RNF2: variants seen among roughly 807,000 people sequenced by gnomAD.
The protein encoded by RNF2 is ring finger protein 2, also known as E3 ubiquitin-protein ligase RING2.
Under a neutral mutation model 37.2 loss-of-function variants are expected in RNF2, and 6 were observed. That is an observed-to-expected ratio of 0.16 (90% confidence interval 0.09 to 0.32). The LOEUF is 0.32. RNF2 is among the 10% of genes least tolerant of loss of function. The probability of loss-of-function intolerance (pLI) is 1.00; values close to 1 mark genes in which losing one functional copy is unlikely to be tolerated. For synonymous variants in RNF2, 133 were observed against 132.7 expected, an observed-to-expected ratio of 1.00 and a Z score of -0.02; for missense variants, 251 against 404.0, an observed-to-expected ratio of 0.62 and a Z score of 3.25.
At chr1:185,055,509 C>G (rs533423337) in intron 1 of RNF2, among the ~76,000 whole-genome samples, 13 of 152,270 alleles carry the variant, frequency 8.5e-5, no homozygotes, top group African/African-American at 3.1e-4. Flanking sequence ...CAGCCTCCGC[C>G]TCCCAGGTTC....
rs1652080835 is a variant in RNF2 at position 185,101,677 on chromosome 1, A to G, written c.*1376A>G. ...GTAGACCTCCAGTACCTTTGTAACTAAAGTCTGTCTAGTCATTGTAAATAT... is the reference window on the plus strand; with the variant it reads ...GTAGACCTCCAGTACCTTTGTAACTGAAGTCTGTCTAGTCATTGTAAATAT... On this transcript the variant is annotated 3_prime_UTR_variant, in exon 7 of 7. Coordinates refer to ENST00000367510, the MANE Select transcript of RNF2 (RefSeq NM_007212.4). 1 of 152,028 alleles carries G rather than the reference A, an allele frequency of 6.6e-6. No homozygotes were observed. The highest frequency in any genetic ancestry group is 2.1e-4 in the South Asian group (1 of 4,808). 9.4% of individuals were successfully genotyped at this position (152,028 alleles called of 1,614,324 possible).
chr1:185,067,844 G>A (rs1193586881), intron 1 of RNF2, among the ~76,000 whole-genome samples: 1 of 150,548 alleles, frequency 6.6e-6, no homozygotes, highest in Non-Finnish European at 1.5e-5. Context: ...TCGAGTAGCT[G>A]GGACTACAGG....
chr1:185,060,205 G>C (rs1650557824), intron 1 of RNF2, among the ~76,000 whole-genome samples: 1 of 152,210 alleles, frequency 6.6e-6, no homozygotes. Flanking sequence ...CTTTAATTCA[G>C]ATCTGTGTAA....
chr1:185,068,098 G>A (rs1366321728), intron 1 of RNF2, among the ~76,000 whole-genome samples: 3 of 152,006 alleles, frequency 2.0e-5, no homozygotes, highest in African/African-American at 7.3e-5. Flanking sequence ...CTGCCTCCCA[G>A]GTTCAAGCGA....
At chr1:185,086,488 G>A (rs921163803) in intron 1 of RNF2, among the ~76,000 whole-genome samples, 3 of 152,124 alleles carry the variant, frequency 2.0e-5, no homozygotes, top group Non-Finnish European at 2.9e-5. Context: ...ATTAATCAGC[G>A]TGGTGAGGAG....
intron 1 of RNF2, among the ~76,000 whole-genome samples, chr1:185,063,576 T>G (rs1380695045): frequency 6.6e-6 from 1 of 152,204 alleles, no homozygotes; most frequent in African/African-American, 2.4e-5. Flanking sequence ...TGTATAAGTT[T>G]CATATAGTTG....
intron 1 of RNF2, among the ~76,000 whole-genome samples, chr1:185,062,370 A>G (rs1650632226): frequency 6.6e-6 from 1 of 152,166 alleles, no homozygotes; most frequent in African/African-American, 2.4e-5. Flanking sequence ...CACATAAAAT[A>G]TATGTGTATA....
At position 185,046,015 on chromosome 1, in the gene RNF2, C is replaced by G. The variant is rs554239863; in HGVS notation, c.-3+366C>G. ...TCCCCTCGCCTCCGGGGGCGGGGGC[C>G]CCAGCCTCTCTGCAGCCCTACTCCG... On this transcript the variant is annotated intron_variant, in intron 1 of 6. Transcript: ENST00000367510. 3 of 152,374 alleles carry G rather than the reference C, an allele frequency of 2.0e-5. No homozygotes were observed. The East Asian group carries it at 5.8e-4, about 30-fold the overall frequency. The allele number at this position is 152,374 out of a possible 1,614,324, so 9.4% of individuals were successfully genotyped here.
chr1:185,095,614 AC>A (rs1047287698), intron 4 of RNF2, among the ~76,000 whole-genome samples: 7 of 152,056 alleles, frequency 4.6e-5, no homozygotes, highest in Non-Finnish European at 7.4e-5. Flanking sequence ...TCTTATTAAC[AC>A]CATTATTTAG....
intron 1 of RNF2, among the ~76,000 whole-genome samples, chr1:185,079,557 C>G (rs935925395): frequency 6.6e-6 from 1 of 152,166 alleles, no homozygotes; most frequent in African/African-American, 2.4e-5. Context: ...GCTTTTAAAG[C>G]CAACCTCCTC....
chr1:185,067,362 A>G (rs1571303441), intron 1 of RNF2, among the ~76,000 whole-genome samples: 1 of 152,220 alleles, frequency 6.6e-6, no homozygotes, highest in East Asian at 1.9e-4. Context: ...CTTACTCACA[A>G]TTTATTATTT....
In RNF2 at chr1:185,051,953, C is replaced by CATAT. The variant is rs140002491; in HGVS notation, c.-3+6317_-3+6320dup. Among the ~76,000 whole-genome samples the CATAT allele has an allele frequency of 0.015, 2,141 of 145,692 alleles. 88 individuals carry two copies. In the East Asian group the frequency reaches 0.16, roughly 11 times the overall value. ...TATACATATTATATATACATTTTTA[C>CATAT]ATATATATATATATATGCATGCACC... On this transcript the variant is annotated intron_variant, in intron 1 of 6. Transcript: ENST00000367510.
chr1:185,070,642 T>C lies in RNF2; in HGVS notation c.-2-16910T>C, dbSNP rs566689802. On this transcript the variant is annotated intron_variant, in intron 1 of 6. Transcript: ENST00000367510. ...TAGACTGCAGTATTTTCTTTTCTTT[T>C]TTTTTTTTTTTTTTGAGACCGAGTC... Among the ~76,000 whole-genome samples the C allele has an allele frequency of 1.6e-3, 243 of 148,248 alleles. 1 individual carries two copies. Among genetic ancestry groups the C allele is most frequent in the African/African-American group, 5.7e-3 (230 of 40,122 alleles).
chr1:185,078,202 T>G (rs1202234056), intron 1 of RNF2, among the ~76,000 whole-genome samples: 1 of 152,068 alleles, frequency 6.6e-6, no homozygotes, highest in Non-Finnish European at 1.5e-5. Flanking sequence ...AGCCGAAATC[T>G]TGTCACTGCA....
intron 1 of RNF2, among the ~76,000 whole-genome samples, chr1:185,064,539 A>G (rs1361880500): frequency 2.0e-5 from 3 of 152,246 alleles, no homozygotes; most frequent in Non-Finnish European, 4.4e-5. Context: ...CCCATCTTAA[A>G]TTGAAAACAT....
rs560928817 is a variant in RNF2, at chr1:185,048,857, G to A, written c.-3+3208G>A. Among the ~76,000 whole-genome samples the A allele has an allele frequency of 2.0e-5, 3 of 152,232 alleles. No individual in the cohort carries two copies. The East Asian group carries it at 5.8e-4, about 29-fold the overall frequency. On this transcript the variant is annotated intron_variant, in intron 1 of 6. Coordinates refer to ENST00000367510, the MANE Select transcript of RNF2 (RefSeq NM_007212.4). ...AGCTTTGGTGTTGGAACACATTGCA[G>A]TTTCTTGGTGTTTCTTTGAGCACTG...
chr1:185,093,394 CT>C (rs1651824343), intron 4 of RNF2, 118 bp downstream of exon 4: 1 of 855,474 alleles, frequency 1.2e-6, no homozygotes, highest in African/African-American at 1.7e-5. Context: ...GCATGATTAC[CT>C]TTCGTGCAGG....
intron 5 of RNF2, among the ~76,000 whole-genome samples, chr1:185,099,525 A>C (rs1652016748): frequency 6.6e-6 from 1 of 151,612 alleles, no homozygotes; most frequent in South Asian, 2.1e-4. Flanking sequence ...GATTTTTGTC[A>C]CTGTGTATCT....
At chr1:185,099,586 T>G (rs1652018579) in intron 5 of RNF2, among the ~76,000 whole-genome samples, 1 of 152,196 alleles carries the variant, frequency 6.6e-6, no homozygotes, top group Admixed American at 6.5e-5. Flanking sequence ...GACAGTAAGA[T>G]ATTGAGTATT....
Sources: gnomAD v4.1 joint callset for allele counts (sites outside exome capture counted in the v4.1 genomes callset) on GRCh38, gnomAD v4.1.1 for gene constraint, MANE v1.5 for transcripts, NCBI Gene and HGNC (gene_info 2026-07-23, HGNC 2026-07-21) for gene names.